The following CFAP54 variants were observed in gnomAD, a reference collection of about 807,000 sequenced individuals.
CFAP54 encodes cilia and flagella associated protein 54, also known as cilia- and flagella-associated protein 54.
In CFAP54, 290 loss-of-function variants were observed where a neutral mutation model predicts 370.4. That is an observed-to-expected ratio of 0.78 (90% confidence interval 0.71 to 0.86). CFAP54 has a LOEUF of 0.86. Ranked by LOEUF, CFAP54 falls within the 40% of genes least tolerant of loss-of-function variation. The pLI is 0.00. For synonymous variants in CFAP54, 1,206 were observed against 1,236.5 expected (o/e 0.98, Z 0.52); for missense variants, 3,399 against 3,528.7 (o/e 0.96, Z 0.93).
At chr12:96,794,038 T>C (rs1003158985) in intron 63 of CFAP54, among the ~76,000 whole-genome samples, 3 of 152,222 alleles carry the variant, frequency 2.0e-5, no homozygotes, top group Admixed American at 6.5e-5. Context: ...GACAATTGTT[T>C]TGTTTAAGGA....
At chr12:96,790,299 G>C (rs1304319329) in intron 62 of CFAP54, among the ~76,000 whole-genome samples, 1 of 151,552 alleles carries the variant, frequency 6.6e-6, no homozygotes, top group Non-Finnish European at 1.5e-5. Context: ...GCAAACCAAG[G>C]TTCTCCTGGT....
At chr12:96,687,860 C>A (rs1023769374) in intron 42 of CFAP54, among the ~76,000 whole-genome samples, 18 of 152,172 alleles carry the variant, frequency 1.2e-4, no homozygotes, top group Non-Finnish European at 2.5e-4. Context: ...GCCTTCCTGC[C>A]AGAGGGCACC....
intron 63 of CFAP54, among the ~76,000 whole-genome samples, chr12:96,798,179 TCTC>T (rs1236098873): frequency 6.6e-6 from 1 of 152,066 alleles, no homozygotes; most frequent in East Asian, 1.9e-4. Flanking sequence ...TTTAAATTAA[TCTC>T]CTACATATTT....
intron 26 of CFAP54, among the ~76,000 whole-genome samples, chr12:96,610,196 C>A (rs1956341277): frequency 6.6e-6 from 1 of 152,146 alleles, no homozygotes; most frequent in South Asian, 2.1e-4. Flanking sequence ...CAATTTGATT[C>A]ATTGAGAAAA....
chr12:96,779,692 A>G (rs966501184), intron 60 of CFAP54, among the ~76,000 whole-genome samples: 9 of 148,546 alleles, frequency 6.1e-5, no homozygotes, highest in Non-Finnish European at 1.2e-4. Flanking sequence ...TATATATTTC[A>G]CTACCTGACC....
At chr12:96,633,399 C>T (rs1956629551) in intron 32 of CFAP54, among the ~76,000 whole-genome samples, 1 of 152,178 alleles carries the variant, frequency 6.6e-6, no homozygotes, top group East Asian at 1.9e-4. Flanking sequence ...AGTACAATAT[C>T]ACAACCAGGA....
At chr12:96,852,269 G>A (rs575507748) in intron 66 of CFAP54, among the ~76,000 whole-genome samples, 3 of 152,056 alleles carry the variant, frequency 2.0e-5, no homozygotes, top group Non-Finnish European at 4.4e-5. Context: ...AATAGAGTTA[G>A]AGAGGATAGG....
chr12:96,527,337 C>T lies in CFAP54; in HGVS notation c.1250C>T (p.Ser417Phe). ...SQFLAVLEAL[S>F]DSNRRILQTG... ...TTTCTGGCTGTCTTGGAAGCTCTTT[C>T]TGATTCAAATAGGCGAATACTGCAA... Residue 417 changes from serine (S) to phenylalanine (F), a missense_variant, in exon 9 of 68, where the codon TCT (serine) becomes TTT (phenylalanine). Ser to Phe is a radical substitution (Grantham distance 155). Around this residue, in one of 3 missense-constraint regions of CFAP54, gnomAD observed 559 missense variants for 576.7 expected, o/e 0.97. Coordinates refer to ENST00000524981, the MANE Select transcript of CFAP54 (RefSeq NM_001306084.2). 1 of 1,535,762 alleles carries T rather than the reference C, an allele frequency of 6.5e-7. No homozygotes were observed. Among genetic ancestry groups the T allele is most frequent in the Non-Finnish European group, 8.7e-7 (1 of 1,146,710 alleles).
In CFAP54 at chr12:96,540,973, T is replaced by A; in HGVS notation, c.2063T>A (p.Phe688Tyr). The part of the protein sequence containing the change: ...LESLGSPGRK[F>Y]KQSLDVPLRE... ...TCTTTAGGAAGCCCAGGAAGAAAATTTAAACAATCTCTAGGTAAAATGTTG... is the reference window on the plus strand; with the variant it reads ...TCTTTAGGAAGCCCAGGAAGAAAATATAAACAATCTCTAGGTAAAATGTTG... The change falls in exon 14 of 68, where the codon TTT becomes TAT. Residue 688 changes from phenylalanine (F) to tyrosine (Y), a missense_variant. Physicochemically the swap from Phe to Tyr is conservative, Grantham distance 22. Coordinates refer to ENST00000524981, the MANE Select transcript of CFAP54 (RefSeq NM_001306084.2). 6.6e-7 allele frequency: 1 copy of A among 1,504,442 alleles called. No homozygotes were observed. The highest frequency in any genetic ancestry group is 8.8e-7 in the Non-Finnish European group (1 of 1,135,904). 93.2% of individuals were successfully genotyped at this position (1,504,442 alleles called of 1,614,324 possible).
At chr12:96,844,660 A>G (rs1959287584) in intron 66 of CFAP54, among the ~76,000 whole-genome samples, 1 of 152,156 alleles carries the variant, frequency 6.6e-6, no homozygotes, top group Non-Finnish European at 1.5e-5. Context: ...GATAGATACT[A>G]TTATCATCCT....
In CFAP54 at chr12:96,779,107, C is replaced by CAAA. The variant is rs35990040; in HGVS notation, c.8282-5594_8282-5592dup. Among the ~76,000 whole-genome samples the CAAA allele has an allele frequency of 1.8e-4, 19 of 103,810 alleles. 1 individual carries two copies. The highest frequency in any genetic ancestry group is 1.2e-3 in the East Asian group (4 of 3,202). The allele number at this position is 103,810 out of a possible 152,430, so 68.1% of individuals were successfully genotyped here. A position where few individuals can be genotyped will look rare whatever the true frequency, so the allele number is the denominator to read the frequency against. ...GGGCAACACGAGTGAATCTCCATCT[C>CAAA]AAAAAAAAAAAAAAAAAACCCACAA... On this transcript the variant is annotated intron_variant, in intron 60 of 67. Transcript: ENST00000524981.
chr12:96,544,408 ATATC>A (rs1565891432), intron 14 of CFAP54, among the ~76,000 whole-genome samples: 2 of 106,694 alleles, frequency 1.9e-5, no homozygotes, highest in Admixed American at 1.9e-4. Context: ...AGAAAACAGA[ATATC>A]TCTCTCTCTC....
At chr12:96,559,102 G>A (rs746882581) in intron 17 of CFAP54, among the ~76,000 whole-genome samples, 3 of 152,102 alleles carry the variant, frequency 2.0e-5, no homozygotes, top group Non-Finnish European at 2.9e-5. Context: ...TGTAATCCCA[G>A]CTACTTGGGA....
chr12:96,825,539 T>C (rs1226526164), intron 65 of CFAP54, among the ~76,000 whole-genome samples: 1 of 109,950 alleles, frequency 9.1e-6, no homozygotes, highest in African/African-American at 3.6e-5. Flanking sequence ...TTATTTACTA[T>C]ATATTATATA....
At chr12:96,701,866 A>G (rs1237436518) in intron 46 of CFAP54, among the ~76,000 whole-genome samples, 1 of 152,156 alleles carries the variant, frequency 6.6e-6, no homozygotes, top group Admixed American at 6.6e-5. Context: ...TAAGATGGGA[A>G]ACTGCGCAGT....
chr12:96,607,092 A>G (rs142175322), intron 26 of CFAP54, among the ~76,000 whole-genome samples: 232 of 152,330 alleles, frequency 1.5e-3, no homozygotes, highest in African/African-American at 5.3e-3. Context: ...CTTTCTGTTC[A>G]TGGCCTGACC....
At chr12:96,508,737 T>C (rs1019688120) in intron 4 of CFAP54, among the ~76,000 whole-genome samples, 1 of 151,844 alleles carries the variant, frequency 6.6e-6, no homozygotes, top group Non-Finnish European at 1.5e-5. Flanking sequence ...CTGCTGAATA[T>C]TGTGGGGTTT....
intron 46 of CFAP54, among the ~76,000 whole-genome samples, chr12:96,703,725 G>A (rs1957516647): frequency 1.3e-5 from 2 of 151,970 alleles, no homozygotes; most frequent in African/African-American, 4.8e-5. Context: ...ATCTCAAACT[G>A]GTAACGATTT....
rs1396451828 is a variant in CFAP54 at position 96,527,409 on chromosome 12, C to G, written c.1322C>G (p.Ser441Ter). The change falls in exon 9 of 68, where the codon TCA (serine) becomes TGA (stop). Residue 441 changes from serine (S) to a stop codon, truncating the protein, a stop_gained. Transcript: ENST00000524981. LOFTEE classifies it high-confidence loss of function. Reference sequence around the variant, plus strand: ...GAAGTGGAGATTCATGATGTTGTCTCAGAATTGTTTATGGCAGGAAAAGAA... The same window carrying G: ...GAAGTGGAGATTCATGATGTTGTCTGAGAATTGTTTATGGCAGGAAAAGAA... ...TDEVEIHDVV[S>*]ELFMAGKELL... The G allele has an allele frequency of 6.5e-7, 1 of 1,527,904 alleles. No individual in the cohort carries two copies. Among genetic ancestry groups the G allele is most frequent in the Admixed American group, 2.0e-5 (1 of 50,172 alleles). 94.6% of individuals were successfully genotyped at this position (1,527,904 alleles called of 1,614,324 possible). A position where few individuals can be genotyped will look rare whatever the true frequency, so the allele number is the denominator to read the frequency against.
Sources: gnomAD v4.1 joint callset for allele counts (sites outside exome capture counted in the v4.1 genomes callset) on GRCh38, gnomAD v4.1.1 for gene constraint, gnomAD v4.1.1 regional missense constraint, MANE v1.5 for transcripts, NCBI Gene and HGNC (gene_info 2026-07-23, HGNC 2026-07-21) for gene names.